MYT1L: variants seen among roughly 807,000 people sequenced by gnomAD.
MYT1L encodes the protein myelin transcription factor 1 like, also known as myelin transcription factor 1-like protein.
Under a neutral mutation model 126.7 loss-of-function variants are expected in MYT1L, and 12 were observed. The ratio of observed to expected loss-of-function variants is 0.09; its 90% CI spans 0.06 to 0.15. MYT1L has a LOEUF of 0.15. Ranked by LOEUF, MYT1L falls within the 10% of genes least tolerant of loss-of-function variation. The pLI, the probability that MYT1L is intolerant of heterozygous loss-of-function variation, is 1.00. For synonymous variants in MYT1L, 541 were observed against 604.2 expected (o/e 0.90, Z 1.53); for missense variants, 979 against 1,585.2 (o/e 0.62, Z 6.49).
At chr2:1,896,698 G>A (rs889727312) in intron 14 of MYT1L, among the ~76,000 whole-genome samples, 1 of 152,194 alleles carries the variant, frequency 6.6e-6, no homozygotes, top group Admixed American at 6.5e-5. Context: ...AGAGAGGGGA[G>A]TGGGTTGGAG....
intron 18 of MYT1L, among the ~76,000 whole-genome samples, chr2:1,876,317 ATCC>A (rs1336784860): frequency 6.6e-6 from 1 of 152,084 alleles, no homozygotes; most frequent in Non-Finnish European, 1.5e-5. Context: ...GGGTCTTGGC[ATCC>A]TCGTCTGTCA....
chr2:1,968,868 G>A (rs1012631762), intron 8 of MYT1L, among the ~76,000 whole-genome samples: 5 of 152,130 alleles, frequency 3.3e-5, no homozygotes, highest in South Asian at 2.1e-4. Context: ...GCAGGTGGGC[G>A]GGGGCGGCTC....
intron 18 of MYT1L, among the ~76,000 whole-genome samples, chr2:1,880,393 A>G (rs1014195266): frequency 1.8e-4 from 27 of 152,218 alleles, no homozygotes; most frequent in Admixed American, 3.9e-4. Context: ...GCTGGAGTGC[A>G]GTGGCGCGAT....
At chr2:1,882,137 G>A (rs539533956) in intron 18 of MYT1L, among the ~76,000 whole-genome samples, 7 of 152,178 alleles carry the variant, frequency 4.6e-5, no homozygotes, top group African/African-American at 1.2e-4. Flanking sequence ...CCATTGTCAG[G>A]CACCCTACAA....
chr2:1,858,171 A>AT (rs1425675788), intron 18 of MYT1L, among the ~76,000 whole-genome samples: 1 of 152,220 alleles, frequency 6.6e-6, no homozygotes, highest in African/African-American at 2.4e-5. Flanking sequence ...GCCTAAATAT[A>AT]TTTTTTAATT....
Position 2,077,428 on chromosome 2 carries a change from A to T in MYT1L, c.-303-23305T>A, listed in dbSNP as rs73911326. Among the ~76,000 whole-genome samples the T allele has an allele frequency of 1.0e-2, 1,521 of 152,204 alleles. 24 individuals are homozygous for T. The highest frequency in any genetic ancestry group is 0.027 in the African/African-American group (1,123 of 41,550). On this transcript the variant is annotated intron_variant, in intron 3 of 24. Coordinates refer to ENST00000647738, the MANE Select transcript of MYT1L (RefSeq NM_001303052.2). Reference sequence around the variant, plus strand: ...AAATTAACAAAAGGCAAAGGCAAAAATTTTTTTTGAAAGTTGCAAGATAAA... The same window carrying T: ...AAATTAACAAAAGGCAAAGGCAAAATTTTTTTTTGAAAGTTGCAAGATAAA...
Position 2,059,918 on chromosome 2 carries a change from G to A in MYT1L, c.-303-5795C>T, listed in dbSNP as rs1283216450. On this transcript the variant is annotated intron_variant, in intron 3 of 24. Coordinates refer to ENST00000647738, the MANE Select transcript of MYT1L (RefSeq NM_001303052.2). The surrounding 1 kb of genome is among the most constrained non-coding windows in gnomAD (Gnocchi z 4.7). ...GAATTTAGCATACCATGCTGTAACT[G>A]TAGATCTCCTAAGCGGCACCCCAAC... Among the ~76,000 whole-genome samples, 1 of 152,152 alleles carries A rather than the reference G, an allele frequency of 6.6e-6. No individual in the cohort carries two copies. The highest frequency in any genetic ancestry group is 1.9e-4 in the East Asian group (1 of 5,184).
intron 3 of MYT1L, among the ~76,000 whole-genome samples, chr2:2,165,124 C>T (rs1026418075): frequency 6.6e-6 from 1 of 152,166 alleles, no homozygotes; most frequent in African/African-American, 2.4e-5. Context: ...CGGGCCTCCC[C>T]AGCCAAAGAC....
chr2:1,824,219 G>C (rs1262925727), intron 21 of MYT1L, among the ~76,000 whole-genome samples: 2 of 152,232 alleles, frequency 1.3e-5, no homozygotes, highest in Non-Finnish European at 2.9e-5. Context: ...AAGCATTTTA[G>C]ATACATGACC....
chr2:1,832,604 G>C (rs1393988794), intron 21 of MYT1L, among the ~76,000 whole-genome samples: 1 of 152,118 alleles, frequency 6.6e-6, no homozygotes, highest in African/African-American at 2.4e-5. Context: ...CCTCGCTTAG[G>C]TCTGCAGGAA....
At chr2:2,104,054 G>A (rs1466029952) in intron 3 of MYT1L, among the ~76,000 whole-genome samples, 1 of 152,168 alleles carries the variant, frequency 6.6e-6, no homozygotes, top group Non-Finnish European at 1.5e-5. Flanking sequence ...CAGGATAGTT[G>A]ACAATACAGA....
intron 5 of MYT1L, among the ~76,000 whole-genome samples, chr2:1,981,854 T>G (rs1362563882): frequency 6.6e-6 from 1 of 152,214 alleles, no homozygotes; most frequent in African/African-American, 2.4e-5. Context: ...ATCTGTGGCT[T>G]AGTCCCATCG....
At chr2:2,261,784 C>T (rs2094975213) in intron 2 of MYT1L, among the ~76,000 whole-genome samples, 1 of 152,100 alleles carries the variant, frequency 6.6e-6, no homozygotes, top group Admixed American at 6.6e-5. Context: ...AAAGTAAAGC[C>T]TAAGTCAGGG....
In MYT1L at chr2:1,943,589, G is replaced by A. The variant is rs2056904469; in HGVS notation, c.153-255C>T. ...ATTCACATTTAGTCCAAGTCTCCTA[G>A]TTCCTCGTTCCTATAATTCCAGAGA... On this transcript the variant is annotated intron_variant, in intron 8 of 24. Transcript: ENST00000647738. This position sits in a 1 kb window ranked among gnomAD's most constrained non-coding sequence, Gnocchi z 4.4. 6.6e-6 allele frequency among the ~76,000 whole-genome samples: 1 copy of A among 152,144 alleles called. No individual in the cohort carries two copies. Among genetic ancestry groups the A allele is most frequent in the Non-Finnish European group, 1.5e-5 (1 of 68,048 alleles).
intron 2 of MYT1L, among the ~76,000 whole-genome samples, chr2:2,247,506 T>G (rs777986935): frequency 2.3e-4 from 35 of 152,188 alleles, no homozygotes; most frequent in Admixed American, 3.9e-4. Flanking sequence ...CAACATTTGA[T>G]TTAATCTGTA....
chr2:1,909,549 A>G (rs184745580), intron 13 of MYT1L, among the ~76,000 whole-genome samples: 161 of 152,270 alleles, frequency 1.1e-3, no homozygotes, highest in African/African-American at 3.8e-3. Context: ...GTAAGAATGA[A>G]AGCTGTATAG....
chr2:2,004,009 T>C (rs1322481734), intron 4 of MYT1L, among the ~76,000 whole-genome samples: 1 of 151,462 alleles, frequency 6.6e-6, no homozygotes, highest in Non-Finnish European at 1.5e-5. Context: ...CTGCATGCCT[T>C]CTTTCCTGCA....
intron 2 of MYT1L, among the ~76,000 whole-genome samples, chr2:2,192,139 A>G (rs2092619525): frequency 6.6e-6 from 1 of 152,184 alleles, no homozygotes; most frequent in Non-Finnish European, 1.5e-5. Flanking sequence ...CTTTGCCAGA[A>G]CTTTCCCATA....
rs2096281865 is a variant in MYT1L at position 2,331,139 on chromosome 2, A to C, written c.-693T>G. On this transcript the variant is annotated 5_prime_UTR_variant, in exon 1 of 25. Transcript: ENST00000647738. ...AAAAGGTGGCTTTTTGTCTTCAGTG[A>C]GTATGGATATCATAACCCATAGTCC... is the stretch of plus-strand genomic sequence containing the variant. 1.3e-5 allele frequency: 2 copies of C among 152,094 alleles called. No homozygotes were observed. The highest frequency in any genetic ancestry group is 4.8e-5 in the African/African-American group (2 of 41,422). The allele number at this position is 152,094 out of a possible 1,614,324, so 9.4% of individuals were successfully genotyped here.
Sources: gnomAD v4.1 joint callset for allele counts (sites outside exome capture counted in the v4.1 genomes callset) on GRCh38, gnomAD v4.1.1 for gene constraint, Gnocchi (gnomAD v3.1) non-coding constraint, MANE v1.5 for transcripts, NCBI Gene and HGNC (gene_info 2026-07-23, HGNC 2026-07-21) for gene names.